The following ENOX1 variants were observed in gnomAD, a reference collection of about 807,000 sequenced individuals.
ENOX1 encodes candidate growth-related and time keeping constitutive hydroquinone (NADH) oxidase.
A neutral mutation model predicts 82.5 loss-of-function variants in ENOX1; 42 were observed. That is an observed-to-expected ratio of 0.51 (90% CI 0.40 to 0.66). The LOEUF is 0.66. Among genes scored for constraint, ENOX1 ranks in the 30% least tolerant of loss-of-function variants. The probability of loss-of-function intolerance (pLI) is 0.00; values close to 1 mark genes in which losing one functional copy is unlikely to be tolerated. For missense variants in ENOX1, 608 were observed against 811.6 expected, an observed-to-expected ratio of 0.75 and a Z score of 3.05; for synonymous variants, 271 against 282.2, an observed-to-expected ratio of 0.96 and a Z score of 0.40.
intron 3 of ENOX1, among the ~76,000 whole-genome samples, chr13:43,473,688 C>T (rs975588245): frequency 1.3e-5 from 2 of 152,136 alleles, no homozygotes; most frequent in African/African-American, 4.8e-5. Flanking sequence ...TGGCTGCATG[C>T]CAAATTTTGG....
intron 1 of ENOX1, among the ~76,000 whole-genome samples, chr13:43,682,546 G>C (rs529716389): frequency 6.6e-6 from 1 of 152,030 alleles, no homozygotes; most frequent in Non-Finnish European, 1.5e-5. Flanking sequence ...ACCATGGGTG[G>C]TGGCAGTTGT....
intron 2 of ENOX1, among the ~76,000 whole-genome samples, chr13:43,637,157 G>A (rs1177089239): frequency 2.0e-5 from 3 of 152,166 alleles, no homozygotes; most frequent in African/African-American, 7.2e-5. Flanking sequence ...CTGACTGGGA[G>A]TGCTGCTATG....
At chr13:43,379,097 C>T (rs1237018302) in intron 5 of ENOX1, among the ~76,000 whole-genome samples, 1 of 152,064 alleles carries the variant, frequency 6.6e-6, no homozygotes, top group African/African-American at 2.4e-5. Context: ...GGCAAAAAAA[C>T]AGATTCTCCT....
chr13:43,232,068 G>A, intron 15 of ENOX1, among the ~76,000 whole-genome samples: 1 of 151,440 alleles, frequency 6.6e-6, no homozygotes, highest in East Asian at 1.9e-4. Flanking sequence ...TGGGACTACA[G>A]GTGCATGCCA....
At chr13:43,241,645 T>C (rs2042838301) in intron 14 of ENOX1, among the ~76,000 whole-genome samples, 1 of 152,190 alleles carries the variant, frequency 6.6e-6, no homozygotes. Context: ...TAATAAATCT[T>C]TTCTCAGCCT....
chr13:43,786,916 CGCTGGAGACTCCGCG>C lies in ENOX1; in HGVS notation c.-564_-550del, dbSNP rs992167286. 1 of 151,214 alleles carries C rather than the reference CGCTGGAGACTCCGCG, an allele frequency of 6.6e-6. No homozygotes were observed. Among genetic ancestry groups the C allele is most frequent in the Non-Finnish European group, 1.5e-5 (1 of 67,834 alleles). The allele number at this position is 151,214 out of a possible 1,614,324, so 9.4% of individuals were successfully genotyped here. A position where few individuals can be genotyped will look rare whatever the true frequency, so the allele number is the denominator to read the frequency against. The stretch of plus-strand genomic sequence containing the variant: ...GGGAGAGCGGGGATCTGCTGAGGGG[CGCTGGAGACTCCGCG>C]GCTGGAGGCGCGCGGGCGTGCGCAC... On this transcript the variant is annotated 5_prime_UTR_variant, in exon 1 of 17. Coordinates refer to ENST00000690772, the MANE Select transcript of ENOX1 (RefSeq NM_001347969.2). The surrounding 1 kb of genome is among the most constrained non-coding windows in gnomAD (Gnocchi z 6.0).
chr13:43,318,004 CA>C lies in ENOX1; in HGVS notation c.1261+4379del, dbSNP rs544967783. 8.4e-3 allele frequency among the ~76,000 whole-genome samples: 1,088 copies of C among 129,002 alleles called. 1 individual carries two copies. Among genetic ancestry groups the C allele is most frequent in the South Asian group, 0.017 (71 of 4,170 alleles). The allele number at this position is 129,002 out of a possible 152,430, so 84.6% of individuals were successfully genotyped here. A position where few individuals can be genotyped will look rare whatever the true frequency, so the allele number is the denominator to read the frequency against. On this transcript the variant is annotated intron_variant, in intron 11 of 16. Coordinates refer to ENST00000690772, the MANE Select transcript of ENOX1 (RefSeq NM_001347969.2). Reference sequence around the variant, plus strand: ...TGGGTGACAGAGCAAGACTCCGTCTCAAAAAAAAAAAAAATTCCTTTGTACC... The same window carrying C: ...TGGGTGACAGAGCAAGACTCCGTCTCAAAAAAAAAAAAATTCCTTTGTACC...
At chr13:43,608,754 C>CT (rs1364074244) in intron 2 of ENOX1, among the ~76,000 whole-genome samples, 1 of 152,138 alleles carries the variant, frequency 6.6e-6, no homozygotes, top group East Asian at 1.9e-4. Flanking sequence ...CAAAGACCTG[C>CT]TTCATGACTA....
At chr13:43,695,374 C>A (rs1277404219) in intron 1 of ENOX1, among the ~76,000 whole-genome samples, 3 of 152,024 alleles carry the variant, frequency 2.0e-5, no homozygotes. Context: ...TAATCACAGC[C>A]AGAGGGCTCA....
intron 1 of ENOX1, among the ~76,000 whole-genome samples, chr13:43,785,416 A>G (rs975811838): frequency 6.6e-6 from 1 of 152,082 alleles, no homozygotes; most frequent in African/African-American, 2.4e-5. Context: ...GCTTTCTCCA[A>G]ACTACCAGAC....
At chr13:43,631,726 C>A (rs192788560) in intron 2 of ENOX1, among the ~76,000 whole-genome samples, 85 of 152,068 alleles carry the variant, frequency 5.6e-4, no homozygotes, top group African/African-American at 2.0e-3. Context: ...ATTCTTTTTT[C>A]TTTGGCTAAA....
At chr13:43,432,846 A>G (rs1392041374) in intron 3 of ENOX1, among the ~76,000 whole-genome samples, 1 of 151,956 alleles carries the variant, frequency 6.6e-6, no homozygotes, top group Non-Finnish European at 1.5e-5. Context: ...TTCAGACACT[A>G]TTACCTCAAA....
chr13:43,651,423 T>C lies in ENOX1; in HGVS notation c.-219+16056A>G, dbSNP rs116069114. Among the ~76,000 whole-genome samples, 1,512 of 152,164 alleles carry C rather than the reference T, an allele frequency of 9.9e-3. 29 individuals are homozygous for C. The highest frequency in any genetic ancestry group is 0.035 in the African/African-American group (1,438 of 41,514). The stretch of plus-strand genomic sequence containing the variant: ...AAAGACTTCACTTTGAGGCCGGGCA[T>C]GTTGGCTCTTGCCTGTAATCCCAGC... On this transcript the variant is annotated intron_variant, in intron 2 of 16. Coordinates refer to ENST00000690772, the MANE Select transcript of ENOX1 (RefSeq NM_001347969.2).
intron 11 of ENOX1, among the ~76,000 whole-genome samples, chr13:43,317,836 T>C (rs1353621182): frequency 1.3e-5 from 2 of 151,456 alleles, no homozygotes; most frequent in Non-Finnish European, 2.9e-5. Context: ...AAACCCCGTC[T>C]CTACTAAAAA....
intron 1 of ENOX1, among the ~76,000 whole-genome samples, chr13:43,690,122 T>C (rs2086277545): frequency 6.6e-6 from 1 of 151,820 alleles, no homozygotes; most frequent in Non-Finnish European, 1.5e-5. Flanking sequence ...ACTAACAGAG[T>C]GGTATCCATC....
At chr13:43,353,197 CAGA>C (rs775126969) in intron 8 of ENOX1, among the ~76,000 whole-genome samples, 16 of 152,278 alleles carry the variant, frequency 1.1e-4, no homozygotes, top group African/African-American at 3.9e-4. Flanking sequence ...ATCCAAATAG[CAGA>C]AGAAGAGAGA....
intron 3 of ENOX1, among the ~76,000 whole-genome samples, chr13:43,451,932 C>T (rs1346176187): frequency 6.6e-6 from 1 of 152,024 alleles, no homozygotes; most frequent in African/African-American, 2.4e-5. Flanking sequence ...GGGATAAATG[C>T]TAACAGAGAA....
chr13:43,267,716 G>A (rs1015658884), intron 13 of ENOX1, among the ~76,000 whole-genome samples: 1 of 152,164 alleles, frequency 6.6e-6, no homozygotes, highest in African/African-American at 2.4e-5. Flanking sequence ...ACCCTGCATG[G>A]CCCCTTTTGC....
intron 2 of ENOX1, among the ~76,000 whole-genome samples, chr13:43,610,565 G>C (rs1300809584): frequency 6.6e-6 from 1 of 152,150 alleles, no homozygotes; most frequent in Admixed American, 6.5e-5. Context: ...CGCACTAAAT[G>C]AACATATCAC....
Sources: allele counts gnomAD v4.1 joint callset (sites outside exome capture counted in the v4.1 genomes callset), GRCh38; gene constraint gnomAD v4.1.1; non-coding constraint Gnocchi (gnomAD v3.1); transcripts MANE v1.5; gene names NCBI Gene and HGNC (gene_info 2026-07-23, HGNC 2026-07-21).